The following RBFOX1 variants were observed in gnomAD, a reference collection of about 807,000 sequenced individuals.
RBFOX1 encodes the protein RNA binding fox-1 homolog 1.
Under a neutral mutation model 57.7 loss-of-function variants are expected in RBFOX1, and 8 were observed. The observed-to-expected ratio is 0.14, with a 90% CI of 0.08 to 0.25. The LOEUF is 0.25. RBFOX1 is among the 10% of genes least tolerant of loss of function. The pLI, the probability that RBFOX1 is intolerant of heterozygous loss-of-function variation, is 1.00. For synonymous variants in RBFOX1, 326 were observed against 222.4 expected, an observed-to-expected ratio of 1.47 and a Z score of -4.15; for missense variants, 611 against 548.5, an observed-to-expected ratio of 1.11 and a Z score of -1.14.
chr16:6,043,338 T>C (rs183978817), intron 1 of RBFOX1, among the ~76,000 whole-genome samples: 1 of 152,086 alleles, frequency 6.6e-6, no homozygotes, highest in African/African-American at 2.4e-5. Flanking sequence ...AGGTTCTTCA[T>C]AGATTCAGAA....
intron 4 of RBFOX1, among the ~76,000 whole-genome samples, chr16:7,150,367 C>G (rs1045241588): frequency 1.3e-5 from 2 of 152,070 alleles, no homozygotes; most frequent in African/African-American, 2.4e-5. Context: ...CGTTAATGCC[C>G]TATGATTTGA....
At chr16:7,517,549 C>G (rs939796647) in intron 4 of RBFOX1, among the ~76,000 whole-genome samples, 1 of 21,156 alleles carries the variant, frequency 4.7e-5, no homozygotes, top group Non-Finnish European at 2.9e-4. Context: ...TACACACACA[C>G]AGACACACAC....
chr16:5,841,641 T>A (rs556490851), intron 3 of RBFOX1, among the ~76,000 whole-genome samples: 2 of 152,346 alleles, frequency 1.3e-5, no homozygotes, highest in South Asian at 4.1e-4. Context: ...TCTATCTGTC[T>A]AGTCATTGTT....
At chr16:6,799,441 G>T (rs1006614520) in intron 3 of RBFOX1, among the ~76,000 whole-genome samples, 1 of 152,156 alleles carries the variant, frequency 6.6e-6, no homozygotes, top group African/African-American at 2.4e-5. Context: ...TTCTGGAAAA[G>T]AGGGAGTTCC....
At chr16:6,224,828 C>A (rs1313796033) in intron 1 of RBFOX1, among the ~76,000 whole-genome samples, 1 of 152,002 alleles carries the variant, frequency 6.6e-6, no homozygotes, top group African/African-American at 2.4e-5. Flanking sequence ...TGAGACCAGC[C>A]TGACCAACAT....
chr16:5,904,082 C>A (rs1205206361), intron 4 of RBFOX1, among the ~76,000 whole-genome samples: 1 of 152,112 alleles, frequency 6.6e-6, no homozygotes, highest in Non-Finnish European at 1.5e-5. Context: ...TCCCTGCTCC[C>A]CTGTGTCATG....
chr16:5,630,830 C>A (rs923795280), intron 3 of RBFOX1, among the ~76,000 whole-genome samples: 1 of 152,170 alleles, frequency 6.6e-6, no homozygotes, highest in Non-Finnish European at 1.5e-5. Flanking sequence ...ATGAGGAAGT[C>A]ATTTCAGAGG....
intron 2 of RBFOX1, among the ~76,000 whole-genome samples, chr16:6,389,333 C>T (rs981526338): frequency 6.7e-6 from 1 of 148,990 alleles, no homozygotes; most frequent in African/African-American, 2.5e-5. Context: ...ATGACCTGCC[C>T]ACCACTAGCT....
At chr16:6,921,632 TA>T (rs2074462311) in intron 3 of RBFOX1, among the ~76,000 whole-genome samples, 1 of 55,560 alleles carries the variant, frequency 1.8e-5, no homozygotes, top group Non-Finnish European at 3.6e-5. Context: ...ACTGTATATA[TA>T]TATATATATA....
At chr16:7,654,523 C>G (rs2065849551) in intron 12 of RBFOX1, among the ~76,000 whole-genome samples, 1 of 152,164 alleles carries the variant, frequency 6.6e-6, no homozygotes, top group African/African-American at 2.4e-5. Context: ...GCCTTCCTTT[C>G]TCCTCTGTGG....
At chr16:7,601,034 G>A (rs76776999) in intron 9 of RBFOX1, among the ~76,000 whole-genome samples, 2,824 of 152,314 alleles carry the variant, frequency 0.019, 81 homozygotes, top group African/African-American at 0.065. Flanking sequence ...TGTTGGATCT[G>A]CAATACAAGA....
At chr16:6,111,244 T>G (rs993036741) in intron 1 of RBFOX1, among the ~76,000 whole-genome samples, 2 of 152,160 alleles carry the variant, frequency 1.3e-5, no homozygotes, top group African/African-American at 4.8e-5. Flanking sequence ...AGAACAGAAA[T>G]GCAATGTCAC....
chr16:6,835,752 T>TAAA (rs56299805), intron 3 of RBFOX1, among the ~76,000 whole-genome samples: 5 of 76,986 alleles, frequency 6.5e-5, no homozygotes, highest in African/African-American at 2.1e-4. Flanking sequence ...AGACTCTGCT[T>TAAA]AAAAAAAAAA....
chr16:7,089,861 C>T (rs572269974), intron 4 of RBFOX1, among the ~76,000 whole-genome samples: 2 of 151,844 alleles, frequency 1.3e-5, no homozygotes, highest in African/African-American at 4.8e-5. Context: ...CCTTCCTTTC[C>T]TGTGCTCAAG....
rs556662857 is a variant in RBFOX1 at position 6,997,294 on chromosome 16, A to G, written c.-15-54763A>G. ...GTAAAAAAAAGTCTGCCACCAATAC[A>G]TGTTTATATTTGTTAAAATAACATA... On this transcript the variant is annotated intron_variant, in intron 3 of 15. Coordinates refer to ENST00000550418, the MANE Select transcript of RBFOX1 (RefSeq NM_018723.4). 9.9e-5 allele frequency among the ~76,000 whole-genome samples: 15 copies of G among 152,262 alleles called. No individual in the cohort carries two copies. The Middle Eastern group carries it at 0.02, about 207-fold the overall frequency.
At chr16:6,993,958 G>T (rs1014917759) in intron 3 of RBFOX1, among the ~76,000 whole-genome samples, 2 of 152,200 alleles carry the variant, frequency 1.3e-5, no homozygotes, top group African/African-American at 4.8e-5. Flanking sequence ...AAGGCAGAAA[G>T]ATTATGCAGG....
chr16:5,949,399 GC>G, intron 4 of RBFOX1, among the ~76,000 whole-genome samples: 1 of 151,732 alleles, frequency 6.6e-6, no homozygotes, highest in South Asian at 2.1e-4. Context: ...GGTGGTGGGC[GC>G]CTGTAGTCCC....
intron 2 of RBFOX1, among the ~76,000 whole-genome samples, chr16:6,568,276 C>T (rs746836632): frequency 5.3e-5 from 8 of 152,068 alleles, no homozygotes; most frequent in Non-Finnish European, 7.4e-5. Flanking sequence ...CTGGGGCAGC[C>T]GTCAGTGACA....
chr16:5,322,437 C>T (rs1274600645), intron 1 of RBFOX1, among the ~76,000 whole-genome samples: 1 of 152,064 alleles, frequency 6.6e-6, no homozygotes, highest in Non-Finnish European at 1.5e-5. Flanking sequence ...AGCCGGGTGC[C>T]CTGGGCATGG....
Sources: gnomAD v4.1 joint callset for allele counts (sites outside exome capture counted in the v4.1 genomes callset) on GRCh38, gnomAD v4.1.1 for gene constraint, MANE v1.5 for transcripts, NCBI Gene and HGNC (gene_info 2026-07-23, HGNC 2026-07-21) for gene names.